Variants in COL6A6 observed in about 807,000 individuals in gnomAD.
The protein encoded by COL6A6 is collagen type VI alpha 6 chain, also known as collagen alpha-6(VI) chain.
In COL6A6, 183 loss-of-function variants were observed where a neutral mutation model predicts 208.6. The observed-to-expected ratio is 0.88, with a 90% CI of 0.78 to 0.99. COL6A6 has a LOEUF of 0.99. Ranked by LOEUF, COL6A6 falls within the 50% of genes least tolerant of loss-of-function variation. COL6A6 has a pLI of 0.00. For synonymous variants in COL6A6, 973 were observed against 1,011.8 expected, an observed-to-expected ratio of 0.96 and a Z score of 0.73; for missense variants, 2,816 against 2,815.2, an observed-to-expected ratio of 1.00 and a Z score of -0.01.
chr3:130,662,200 C>T lies in COL6A6; in HGVS notation c.6394C>T (p.Leu2132Phe). The T allele has an allele frequency of 6.2e-7, 1 of 1,613,996 alleles. No homozygotes were observed. Among genetic ancestry groups the T allele is most frequent in the Non-Finnish European group, 8.5e-7 (1 of 1,179,886 alleles). The change falls in exon 35 of 37, where the codon CTC (leucine) becomes TTC (phenylalanine). Residue 2132 changes from leucine (L) to phenylalanine (F), a missense_variant. By Grantham distance (22) the Leu-to-Phe change is conservative. Coordinates refer to ENST00000358511, the MANE Select transcript of COL6A6 (RefSeq NM_001102608.3). ...TTGGGATGACAAGGAACTGGAGGAT[C>T]TCGCCAGCCACCCTTTGGATCACCA... Reference protein sequence around the residue: ...PIWDDKELEDLASHPLDHHLV... With the variant: ...PIWDDKELEDFASHPLDHHLV...
chr3:130,623,024 T>G (rs927839616), intron 24 of COL6A6, among the ~76,000 whole-genome samples: 7 of 152,156 alleles, frequency 4.6e-5, no homozygotes, highest in African/African-American at 1.7e-4. Context: ...TGATCCTGTC[T>G]GGCAGGCCAA....
chr3:130,613,165 T>C (rs950757556), intron 23 of COL6A6, among the ~76,000 whole-genome samples: 3 of 152,252 alleles, frequency 2.0e-5, no homozygotes, highest in African/African-American at 7.2e-5. Flanking sequence ...TTTAAGTCTT[T>C]AATCCATCTT....
At chr3:130,612,154 T>C (rs1023070281) in intron 23 of COL6A6, among the ~76,000 whole-genome samples, 2 of 152,204 alleles carry the variant, frequency 1.3e-5, no homozygotes, top group African/African-American at 2.4e-5. Context: ...TGGTATATAT[T>C]TACTACATTT....
At chr3:130,663,142 G>C (rs1448330217) in intron 35 of COL6A6, among the ~76,000 whole-genome samples, 1 of 152,182 alleles carries the variant, frequency 6.6e-6, no homozygotes, top group Non-Finnish European at 1.5e-5. Flanking sequence ...ATGTGCCTCT[G>C]ATATTACGTG....
At chr3:130,621,178 GCTTT>G (rs1226885876) in intron 23 of COL6A6, among the ~76,000 whole-genome samples, 1 of 152,000 alleles carries the variant, frequency 6.6e-6, no homozygotes, top group East Asian at 1.9e-4. Context: ...AGATCTTAAG[GCTTT>G]CTTTCTTTAG....
chr3:130,614,938 T>C (rs2064472839), intron 23 of COL6A6, among the ~76,000 whole-genome samples: 1 of 152,144 alleles, frequency 6.6e-6, no homozygotes, highest in South Asian at 2.1e-4. Context: ...GTCTATCTTA[T>C]TTTGGCAAAG....
At position 130,531,133 on chromosome 3, in the gene COL6A6, G is replaced by A. The variant is rs183100061; in HGVS notation, c.-32+13736G>A. Among the ~76,000 whole-genome samples the A allele has an allele frequency of 1.7e-4, 25 of 146,022 alleles. No individual in the cohort carries two copies. The East Asian group carries it at 4.3e-3, about 25-fold the overall frequency. ...TTTCTGTACCTATTGATTTTGTTTC[G>A]CTGGAGAACCCTAATTCAATGTGCT... On this transcript the variant is annotated intron_variant, in intron 1 of 36. Transcript: ENST00000358511.
intron 1 of COL6A6, among the ~76,000 whole-genome samples, chr3:130,546,947 C>A (rs1298879936): frequency 6.6e-6 from 1 of 152,232 alleles, no homozygotes; most frequent in Non-Finnish European, 1.5e-5. Flanking sequence ...AATCCTCCAG[C>A]TAGACATAAA....
In COL6A6 at chr3:130,594,299, G is replaced by A; in HGVS notation, c.4489G>A (p.Gly1497Arg). ...ACTTTAGGGAAGCCCAGGGAAGAGA[G>A]GGACTCCTGGTGACCGTGGAGCAAA... Reference protein sequence around the residue: ...EGSQGSPGKRGTPGDRGAKGL... With the variant: ...EGSQGSPGKRRTPGDRGAKGL... The change falls in exon 18 of 37, where the codon GGG becomes AGG. Residue 1497 changes from glycine (G) to arginine (R), a missense_variant. By Grantham distance (125) the Gly-to-Arg change is moderately radical. Coordinates refer to ENST00000358511, the MANE Select transcript of COL6A6 (RefSeq NM_001102608.3). 6.2e-7 allele frequency: 1 copy of A among 1,613,248 alleles called. No homozygotes were observed. Among genetic ancestry groups the A allele is most frequent in the East Asian group, 2.2e-5 (1 of 44,868 alleles).
At position 130,649,286 on chromosome 3, in the gene COL6A6, C is replaced by T. The variant is rs775654535; in HGVS notation, c.5457C>T (p.Tyr1819=). ...ARHLVRFSDA[Y]KKSQLLREIE... is the part of the protein sequence containing the mutation. ...ACCTTGTGCGCTTCTCAGACGCCTA[C>T]AAGAAGAGTCAACTTCTCAGAGAAA... is the stretch of plus-strand genomic sequence containing the variant. The change falls in exon 33 of 37, where the codon TAC becomes TAT. Residue 1819 remains tyrosine, a synonymous_variant. Transcript: ENST00000358511. 1.2e-6 allele frequency: 2 copies of T among 1,604,748 alleles called. No homozygotes were observed. Among genetic ancestry groups the T allele is most frequent in the Non-Finnish European group, 8.5e-7 (1 of 1,175,720 alleles).
chr3:130,639,224 T>C (rs2065240065), intron 28 of COL6A6, among the ~76,000 whole-genome samples: 1 of 148,638 alleles, frequency 6.7e-6, no homozygotes, highest in South Asian at 2.1e-4. Flanking sequence ...TTTTATAGCA[T>C]ACTGTTTTTG....
chr3:130,528,199 G>A (rs1009445117), intron 1 of COL6A6, among the ~76,000 whole-genome samples: 1 of 152,168 alleles, frequency 6.6e-6, no homozygotes, highest in Non-Finnish European at 1.5e-5. Context: ...ATGAAGACTT[G>A]GAGACGAGGA....
intron 6 of COL6A6, among the ~76,000 whole-genome samples, chr3:130,569,068 G>A (rs59517634): frequency 0.026 from 3,967 of 152,260 alleles, 162 homozygotes; most frequent in African/African-American, 0.09. Context: ...ACCTTGAGGC[G>A]AGGGGCTCAG....
At chr3:130,673,191 CAAAAAAACA>C (rs767159960) in intron 36 of COL6A6, among the ~76,000 whole-genome samples, 349 of 62,346 alleles carry the variant, frequency 5.6e-3, no homozygotes, top group Middle Eastern at 7.2e-3. Flanking sequence ...AAAAAAAAAA[CAAAAAAACA>C]AAAAAAACAA....
chr3:130,531,039 GACACACACAC>G (rs66824865), intron 1 of COL6A6, among the ~76,000 whole-genome samples: 30 of 138,050 alleles, frequency 2.2e-4, no homozygotes, highest in South Asian at 2.1e-3. Context: ...CACACACACA[GACACACACAC>G]ACACACACAC....
chr3:130,613,925 C>G (rs2064433772), intron 23 of COL6A6, among the ~76,000 whole-genome samples: 1 of 152,074 alleles, frequency 6.6e-6, no homozygotes, highest in Non-Finnish European at 1.5e-5. Context: ...GCAGAGACTA[C>G]TGGGTTTTTT....
intron 1 of COL6A6, among the ~76,000 whole-genome samples, chr3:130,539,971 C>G (rs2062322253): frequency 6.6e-6 from 1 of 152,186 alleles, no homozygotes; most frequent in South Asian, 2.1e-4. Flanking sequence ...TTCTAACCCA[C>G]AGTTCATTAC....
At chr3:130,598,735 A>G (rs1479941925) in intron 19 of COL6A6, among the ~76,000 whole-genome samples, 3 of 152,206 alleles carry the variant, frequency 2.0e-5, no homozygotes, top group African/African-American at 7.2e-5. Flanking sequence ...GATAGAAAGA[A>G]CTGTGCTAGC....
intron 21 of COL6A6, 77 bp from the exon 22 acceptor site, chr3:130,608,825 A>G (rs531016668): frequency 1.6e-4 from 132 of 830,006 alleles, no homozygotes; most frequent in South Asian, 2.5e-4. Context: ...GACTGAAAAA[A>G]TATTTGTAAG....
Sources: allele counts gnomAD v4.1 joint callset (sites outside exome capture counted in the v4.1 genomes callset), GRCh38; gene constraint gnomAD v4.1.1; transcripts MANE v1.5; gene names NCBI Gene and HGNC (gene_info 2026-07-23, HGNC 2026-07-21).